BTN2A1: variants seen among roughly 807,000 people sequenced by gnomAD.
The protein encoded by BTN2A1 is butyrophilin, subfamily 2, member A1.
BTN2A1 carries 41 observed loss-of-function variants against 34.5 expected under a neutral mutation model. The ratio of observed to expected loss-of-function variants is 1.19; its 90% CI spans 0.93 to 1.54. BTN2A1 has a LOEUF of 1.54. Among genes scored for constraint, BTN2A1 ranks in the 40% most tolerant of loss-of-function variants. The pLI is 0.00. For synonymous variants in BTN2A1, 267 were observed against 258.6 expected (o/e 1.03, Z -0.31); for missense variants, 642 against 662.0 (o/e 0.97, Z 0.33).
At chr6:26,462,053 AAGC>A (rs1231271768) in intron 3 of BTN2A1, among the ~76,000 whole-genome samples, 1 of 152,088 alleles carries the variant, frequency 6.6e-6, no homozygotes, top group Non-Finnish European at 1.5e-5. Flanking sequence ...AATTGAGCCA[AAGC>A]ACCAGACTTA....
downstream of BTN2A1, among the ~76,000 whole-genome samples, chr6:26,470,663 G>A (rs1486504083): frequency 6.6e-6 from 1 of 152,130 alleles, no homozygotes; most frequent in Admixed American, 6.5e-5. Context: ...CAGAGGAAAG[G>A]TGAATTCTCT....
chr6:26,468,294 G>A lies in BTN2A1; in HGVS notation c.1329G>A (p.Leu443=). Residue 443 remains leucine, a synonymous_variant, in exon 8 of 8, where the codon TTG becomes TTA. Coordinates refer to ENST00000312541, the MANE Select transcript of BTN2A1 (RefSeq NM_007049.5). The part of the protein sequence containing the change: ...AVSSPDRILP[L]KESLCRVGVF... ...CCTCCCCTGATAGGATTCTCCCTTT[G>A]AAGGAGTCCCTTTGCCGGGTGGGCG... 1.2e-6 allele frequency: 2 copies of A among 1,614,212 alleles called. No individual in the cohort carries two copies. Among genetic ancestry groups the A allele is most frequent in the Non-Finnish European group, 1.7e-6 (2 of 1,180,036 alleles).
At chr6:26,458,479 G>A in intron 1 of BTN2A1, 128 bp from the exon 2 acceptor site, 1 of 734,202 alleles carries the variant, frequency 1.4e-6, no homozygotes, top group Non-Finnish European at 2.4e-6. Flanking sequence ...ACATACCTGA[G>A]CCTTCGGATG....
downstream of BTN2A1, among the ~76,000 whole-genome samples, chr6:26,471,705 T>G (rs189594981): frequency 1.1e-3 from 167 of 152,248 alleles, 2 homozygotes; most frequent in South Asian, 0.011. Context: ...ACTGGAAAGA[T>G]GAAGTTGTTA....
Position 26,468,655 on chromosome 6 carries a change from CAA to C in BTN2A1, c.*107_*108del, listed in dbSNP as rs988186619. ...CACGCCCTCCTCCCCTCTGGTCACA[CAA>C]GAGAACATCTTCCAGCTGCCTCTTT... On this transcript the variant is annotated 3_prime_UTR_variant, in exon 8 of 8. Transcript: ENST00000312541. 3.3e-5 allele frequency: 53 copies of C among 1,613,746 alleles called. No homozygotes were observed. Among genetic ancestry groups the C allele is most frequent in the Admixed American group, 5.0e-5 (3 of 60,010 alleles).
At chr6:26,473,387 C>A (rs1475942201), downstream of BTN2A1, among the ~76,000 whole-genome samples, 1 of 151,984 alleles carries the variant, frequency 6.6e-6, no homozygotes, top group African/African-American at 2.4e-5. Flanking sequence ...TCAGTCACAC[C>A]CAAAATAATT....
chr6:26,467,653 A>C, intron 7 of BTN2A1: 2 of 1,475,888 alleles, frequency 1.4e-6, no homozygotes, highest in Non-Finnish European at 1.8e-6. Flanking sequence ...CACATCTTAG[A>C]ATGCTGAGAG....
intron 4 of BTN2A1, among the ~76,000 whole-genome samples, chr6:26,464,860 TAAG>T (rs2113861862): frequency 6.6e-6 from 1 of 152,220 alleles, no homozygotes; most frequent in Admixed American, 6.5e-5. Context: ...AAGGGCAGAA[TAAG>T]AAGGAGGGCA....
At chr6:26,471,407 G>A (rs1260084565), downstream of BTN2A1, among the ~76,000 whole-genome samples, 1 of 152,220 alleles carries the variant, frequency 6.6e-6, no homozygotes, top group African/African-American at 2.4e-5. Flanking sequence ...AAGGAGAAAA[G>A]TAGATCTTTG....
Position 26,468,136 on chromosome 6 carries a change from G to A in BTN2A1, c.1171G>A (p.Glu391Lys). The A allele has an allele frequency of 6.2e-7, 1 of 1,614,206 alleles. No individual in the cohort carries two copies. ...FASGKHYWEV[E>K]VENVIEWTVG... ...TTCAGGGAAACATTACTGGGAGGTG[G>A]AGGTGGAAAACGTGATTGAGTGGAC... Residue 391 changes from glutamate (E) to lysine (K), a missense_variant, in exon 8 of 8, where the codon GAG (glutamate) becomes AAG (lysine). By Grantham distance (56) the Glu-to-Lys change is moderately conservative (BLOSUM62 1). Coordinates refer to ENST00000312541, the MANE Select transcript of BTN2A1 (RefSeq NM_007049.5).
At chr6:26,470,874 C>G (rs1763436840), downstream of BTN2A1, among the ~76,000 whole-genome samples, 1 of 152,152 alleles carries the variant, frequency 6.6e-6, no homozygotes, top group African/African-American at 2.4e-5. Context: ...CTCAGGGTCT[C>G]CAGCTTGCAG....
At chr6:26,472,875 G>A (rs1299927642), downstream of BTN2A1, among the ~76,000 whole-genome samples, 1 of 152,140 alleles carries the variant, frequency 6.6e-6, no homozygotes, top group African/African-American at 2.4e-5. Flanking sequence ...CTGTGTGGCT[G>A]GGTCCAGGCC....
chr6:26,473,665 A>G (rs1386151340), downstream of BTN2A1, among the ~76,000 whole-genome samples: 2 of 152,170 alleles, frequency 1.3e-5, no homozygotes, highest in African/African-American at 4.8e-5. Flanking sequence ...ATTAATACCT[A>G]TCTTCTCTTC....
chr6:26,467,877 T>C (rs1763358371), intron 7 of BTN2A1, 71 bp from the exon 8 acceptor site: 2 of 1,571,116 alleles, frequency 1.3e-6, no homozygotes, highest in Non-Finnish European at 1.7e-6. Flanking sequence ...GAGACCTCTC[T>C]GGGGATCAGG....
chr6:26,470,274 G>C (rs371714430), downstream of BTN2A1, among the ~76,000 whole-genome samples: 2 of 152,136 alleles, frequency 1.3e-5, no homozygotes, highest in African/African-American at 2.4e-5. Context: ...GAACCCCAGT[G>C]GGGTGGAGGT....
rs768760326 is a variant in BTN2A1 at position 26,468,750 on chromosome 6, T to G, written c.*201T>G. 6.9e-5 allele frequency: 111 copies of G among 1,609,956 alleles called. No individual in the cohort carries two copies. Among genetic ancestry groups the G allele is most frequent in the Non-Finnish European group, 9.3e-5 (109 of 1,178,032 alleles). Reference sequence around the variant, plus strand: ...TAGGCTGTGTTTTTAGTAGTTCCTTTGCTTGTAACTATGGGATGGGATCCA... The same window carrying G: ...TAGGCTGTGTTTTTAGTAGTTCCTTGGCTTGTAACTATGGGATGGGATCCA... On this transcript the variant is annotated 3_prime_UTR_variant, in exon 8 of 8. Transcript: ENST00000312541.
chr6:26,468,927 C>T lies in BTN2A1; in HGVS notation c.*378C>T. 1.6e-6 allele frequency: 2 copies of T among 1,247,456 alleles called. No individual in the cohort carries two copies. The highest frequency in any genetic ancestry group is 2.0e-6 in the Non-Finnish European group (2 of 977,142). The allele number at this position is 1,247,456 out of a possible 1,614,324, so 77.3% of individuals were successfully genotyped here. A position where few individuals can be genotyped will look rare whatever the true frequency, so the allele number is the denominator to read the frequency against. On this transcript the variant is annotated 3_prime_UTR_variant, in exon 8 of 8. Coordinates refer to ENST00000312541, the MANE Select transcript of BTN2A1 (RefSeq NM_007049.5). ...AGATATGGACTTGGAATGAGGCCTACAGGGTTCACCAGGATGTAAGAGGAG... is the reference window on the plus strand; with the variant it reads ...AGATATGGACTTGGAATGAGGCCTATAGGGTTCACCAGGATGTAAGAGGAG...
intron 3 of BTN2A1, among the ~76,000 whole-genome samples, chr6:26,462,325 G>C (rs541072187): frequency 1.3e-5 from 2 of 152,040 alleles, no homozygotes; most frequent in South Asian, 4.1e-4. Flanking sequence ...TTAGTCCCTG[G>C]ATCATCCAGA....
In BTN2A1 at chr6:26,469,489, A is replaced by T. The variant is rs1242982692; in HGVS notation, c.*940A>T. The T allele has an allele frequency of 4.0e-6, 1 of 249,094 alleles. No individual in the cohort carries two copies. The highest frequency in any genetic ancestry group is 6.4e-6 in the Non-Finnish European group (1 of 156,920). The allele number at this position is 249,094 out of a possible 1,614,324, so 15.4% of individuals were successfully genotyped here. ...TGTTTTAATTTATTACCTTTACAACATTTATTTACATTACATACATACATT... is the reference window on the plus strand; with the variant it reads ...TGTTTTAATTTATTACCTTTACAACTTTTATTTACATTACATACATACATT... On this transcript the variant is annotated 3_prime_UTR_variant, in exon 8 of 8. Coordinates refer to ENST00000312541, the MANE Select transcript of BTN2A1 (RefSeq NM_007049.5).
Sources: allele counts gnomAD v4.1 joint callset (sites outside exome capture counted in the v4.1 genomes callset), GRCh38; gene constraint gnomAD v4.1.1; transcripts MANE v1.5; gene names NCBI Gene and HGNC (gene_info 2026-07-23, HGNC 2026-07-21).